The following KCNB2 variants were observed in gnomAD, a reference collection of about 807,000 sequenced individuals.
KCNB2 encodes delayed rectifier potassium channel protein.
Under a neutral mutation model 61.5 loss-of-function variants are expected in KCNB2, and 15 were observed. The ratio of observed to expected loss-of-function variants is 0.24; its 90% CI spans 0.16 to 0.38. KCNB2 has a LOEUF of 0.38. Among genes scored for constraint, KCNB2 ranks in the 10% least tolerant of loss-of-function variants. The pLI, the probability that KCNB2 is intolerant of heterozygous loss-of-function variation, is 1.00. For missense variants in KCNB2, 828 were observed against 1,125.2 expected, an observed-to-expected ratio of 0.74 and a Z score of 3.78; for synonymous variants, 457 against 446.0, an observed-to-expected ratio of 1.02 and a Z score of -0.31.
chr8:72,806,464 C>T (rs1379578282), intron 2 of KCNB2, among the ~76,000 whole-genome samples: 1 of 151,434 alleles, frequency 6.6e-6, no homozygotes, highest in Non-Finnish European at 1.5e-5. Flanking sequence ...AAAAATTAGC[C>T]AGGCATGGTG....
chr8:72,632,592 CTG>C (rs1225883298), intron 2 of KCNB2, among the ~76,000 whole-genome samples: 1 of 152,226 alleles, frequency 6.6e-6, no homozygotes, highest in African/African-American at 2.4e-5. Context: ...AGGCATCATG[CTG>C]CTGACCTTTG....
At chr8:72,573,311 AT>A (rs1806743700) in intron 2 of KCNB2, among the ~76,000 whole-genome samples, 1 of 152,200 alleles carries the variant, frequency 6.6e-6, no homozygotes, top group African/African-American at 2.4e-5. Flanking sequence ...ATCATAAATG[AT>A]TTTCTTTCAG....
At chr8:72,838,954 A>G (rs1400225420) in intron 2 of KCNB2, among the ~76,000 whole-genome samples, 4 of 152,178 alleles carry the variant, frequency 2.6e-5, no homozygotes, top group Non-Finnish European at 5.9e-5. Context: ...AGCCACGAAT[A>G]ATTTTCAAAG....
chr8:72,694,822 A>G (rs1392165851), intron 2 of KCNB2, among the ~76,000 whole-genome samples: 1 of 151,760 alleles, frequency 6.6e-6, no homozygotes, highest in Non-Finnish European at 1.5e-5. Context: ...TAATAAAACA[A>G]ACAGTAATAA....
At chr8:72,590,108 G>A (rs1215071804) in intron 2 of KCNB2, among the ~76,000 whole-genome samples, 8 of 151,952 alleles carry the variant, frequency 5.3e-5, no homozygotes, top group Admixed American at 6.6e-5. Context: ...AGAATTCCTG[G>A]GTTCAACTCC....
chr8:72,869,315 A>G (rs1015063686), intron 2 of KCNB2, among the ~76,000 whole-genome samples: 3 of 152,194 alleles, frequency 2.0e-5, no homozygotes, highest in Admixed American at 6.6e-5. Context: ...GTTTAGATAC[A>G]TTAGGAAGGG....
Position 72,937,972 on chromosome 8 carries a change from G to A in KCNB2, c.2617G>A (p.Glu873Lys). 6.2e-7 allele frequency: 1 copy of A among 1,614,124 alleles called. No homozygotes were observed. Among genetic ancestry groups the A allele is most frequent in the Non-Finnish European group, 8.5e-7 (1 of 1,180,012 alleles). ...CRQDIYHAVSEVKKDSSQEGC... is the reference protein window; with the variant it reads ...CRQDIYHAVSKVKKDSSQEGC... ...GCAAGACATTTACCATGCTGTGAGT[G>A]AAGTCAAAAAGGACAGTAGTCAAGA... is the stretch of plus-strand genomic sequence containing the variant. Residue 873 changes from glutamate to lysine, a missense_variant, in exon 3 of 3, where the codon GAA becomes AAA. By Grantham distance (56) the Glu-to-Lys change is moderately conservative. Coordinates refer to ENST00000523207, the MANE Select transcript of KCNB2 (RefSeq NM_004770.3).
intron 2 of KCNB2, among the ~76,000 whole-genome samples, chr8:72,918,549 A>G (rs975075126): frequency 6.6e-6 from 1 of 152,228 alleles, no homozygotes; most frequent in East Asian, 1.9e-4. Flanking sequence ...GGCATTTAAG[A>G]TAAGTACTCA....
intron 2 of KCNB2, among the ~76,000 whole-genome samples, chr8:72,724,910 T>C (rs1807607597): frequency 6.6e-6 from 1 of 152,198 alleles, no homozygotes. Flanking sequence ...TAATATTTTT[T>C]ATTCAGAGAA....
At chr8:72,692,704 A>G (rs1011923273) in intron 2 of KCNB2, among the ~76,000 whole-genome samples, 7 of 151,574 alleles carry the variant, frequency 4.6e-5, no homozygotes, top group Admixed American at 4.6e-4. Context: ...TGTATTCCAT[A>G]TTACTGGTTT....
chr8:72,606,940 A>T (rs1211472779), intron 2 of KCNB2, among the ~76,000 whole-genome samples: 1 of 152,182 alleles, frequency 6.6e-6, no homozygotes, highest in Non-Finnish European at 1.5e-5. Context: ...AGCATCTGGG[A>T]GAGCAGGCCT....
chr8:72,662,415 C>T (rs766320085), intron 2 of KCNB2, among the ~76,000 whole-genome samples: 9 of 152,294 alleles, frequency 5.9e-5, no homozygotes, highest in Admixed American at 2.0e-4. Context: ...ACATTCTCCA[C>T]ATCACGAAAT....
chr8:72,750,480 G>T (rs1808171043), intron 2 of KCNB2: 1 of 152,130 alleles, frequency 6.6e-6, no homozygotes, highest in Non-Finnish European at 1.5e-5. Context: ...GTATCCCATT[G>T]GTTCTTTGTA....
chr8:72,784,500 C>T (rs1458113853), intron 2 of KCNB2, among the ~76,000 whole-genome samples: 3 of 152,170 alleles, frequency 2.0e-5, no homozygotes, highest in African/African-American at 7.2e-5. Flanking sequence ...TTAATTGACT[C>T]ACAGTTCCAC....
At chr8:72,889,365 C>G (rs1296532665) in intron 2 of KCNB2, among the ~76,000 whole-genome samples, 1 of 152,128 alleles carries the variant, frequency 6.6e-6, no homozygotes, top group African/African-American at 2.4e-5. Flanking sequence ...GGAAAACAGA[C>G]ATTTCCCTAA....
At position 72,936,963 on chromosome 8, in the gene KCNB2, T is replaced by C; in HGVS notation, c.1608T>C (p.Ser536=). ...CTTCCTCCAGCCCACAGCATCTGAG[T>C]GCCCAGAAACTGGAGATGCTATACA... ...NTSSSSPQHL[S]AQKLEMLYNE... The change falls in exon 3 of 3, where the codon AGT becomes AGC. Residue 536 remains serine, a synonymous_variant. Transcript: ENST00000523207. This position sits in a 1 kb window ranked among gnomAD's most constrained non-coding sequence, Gnocchi z 5.6. The C allele has an allele frequency of 6.2e-7, 1 of 1,614,094 alleles. No individual in the cohort carries two copies. The highest frequency in any genetic ancestry group is 2.2e-5 in the East Asian group (1 of 44,878).
chr8:72,654,032 A>G (rs563713635), intron 2 of KCNB2, among the ~76,000 whole-genome samples: 49 of 152,302 alleles, frequency 3.2e-4, no homozygotes, highest in African/African-American at 1.1e-3. Context: ...TTTTTAGATC[A>G]CAAATTGCTT....
intron 2 of KCNB2, among the ~76,000 whole-genome samples, chr8:72,854,979 G>A (rs746164256): frequency 2.0e-5 from 3 of 152,112 alleles, no homozygotes; most frequent in African/African-American, 4.8e-5. Flanking sequence ...CACATCAAGC[G>A]ACTGTGCCCA....
chr8:72,902,554 G>A (rs191646681), intron 2 of KCNB2, among the ~76,000 whole-genome samples: 4 of 152,240 alleles, frequency 2.6e-5, no homozygotes, highest in Non-Finnish European at 5.9e-5. Flanking sequence ...CCTGGGGTTT[G>A]AGCTAGATTT....
Sources: allele counts gnomAD v4.1 joint callset (sites outside exome capture counted in the v4.1 genomes callset), GRCh38; gene constraint gnomAD v4.1.1; non-coding constraint Gnocchi (gnomAD v3.1); transcripts MANE v1.5; gene names NCBI Gene and HGNC (gene_info 2026-07-23, HGNC 2026-07-21).